Variants in SGCD observed in about 807,000 individuals in gnomAD.
SGCD encodes delta-sarcoglycan.
SGCD carries 18 observed loss-of-function variants against 36.6 expected under a neutral mutation model. That is an observed-to-expected ratio of 0.49 (90% confidence interval 0.34 to 0.73). SGCD has a LOEUF of 0.73. Ranked by LOEUF, SGCD falls within the 30% of genes least tolerant of loss-of-function variation. The probability of loss-of-function intolerance (pLI) is 0.01; values close to 1 mark genes in which losing one functional copy is unlikely to be tolerated. For missense variants in SGCD, 387 were observed against 346.7 expected, an observed-to-expected ratio of 1.12 and a Z score of -0.92; for synonymous variants, 133 against 130.6, an observed-to-expected ratio of 1.02 and a Z score of -0.12.
chr5:155,773,166 G>A, the SGCD span, among the ~76,000 whole-genome samples: 113 of 152,194 alleles, frequency 7.4e-4, no homozygotes, highest in African/African-American at 2.6e-3. Flanking sequence ...CACCTCTCCT[G>A]CCTTTTAGAA....
intron 3 of SGCD, among the ~76,000 whole-genome samples, chr5:156,244,356 GC>G (rs1765388684): frequency 6.6e-6 from 1 of 152,156 alleles, no homozygotes; most frequent in Admixed American, 6.5e-5. Context: ...GGGACAATTG[GC>G]AAAAATAATG....
intron 1 of SGCD, among the ~76,000 whole-genome samples, chr5:155,998,394 A>T (rs1758598670): frequency 6.6e-6 from 1 of 152,196 alleles, no homozygotes; most frequent in African/African-American, 2.4e-5. Flanking sequence ...GGAAAAGGCA[A>T]CTTTTAGTTC....
At chr5:156,134,686 G>A (rs1581120558) in intron 3 of SGCD, among the ~76,000 whole-genome samples, 1 of 149,444 alleles carries the variant, frequency 6.7e-6, no homozygotes, top group African/African-American at 2.5e-5. Context: ...TCACACACTG[G>A]GCCTGTCGTG....
chr5:156,053,339 T>G (rs1477363593), intron 1 of SGCD, among the ~76,000 whole-genome samples: 1 of 145,936 alleles, frequency 6.9e-6, no homozygotes, highest in East Asian at 1.9e-4. Flanking sequence ...CAGCTGTCAC[T>G]GCTCAGTGAC....
intron 6 of SGCD, among the ~76,000 whole-genome samples, chr5:156,642,920 T>A (rs755118729): frequency 6.6e-6 from 1 of 152,180 alleles, no homozygotes; most frequent in Non-Finnish European, 1.5e-5. Flanking sequence ...CAAACCAGGT[T>A]GTGACTTCAA....
intron 3 of SGCD, among the ~76,000 whole-genome samples, chr5:156,199,757 C>A (rs1364258671): frequency 6.6e-6 from 1 of 152,086 alleles, no homozygotes; most frequent in African/African-American, 2.4e-5. Flanking sequence ...CTCAATTTTG[C>A]TGCAGCATTT....
chr5:155,787,478 G>A, the SGCD span, among the ~76,000 whole-genome samples: 2 of 152,086 alleles, frequency 1.3e-5, no homozygotes, highest in South Asian at 2.1e-4. Context: ...GCCCCATGCA[G>A]CATACAATTA....
chr5:156,072,355 G>C (rs1311359478), intron 1 of SGCD, among the ~76,000 whole-genome samples: 1 of 151,980 alleles, frequency 6.6e-6, no homozygotes, highest in Non-Finnish European at 1.5e-5. Context: ...GCATTTGCTT[G>C]TCTGTAAAGT....
chr5:156,298,432 A>G (rs1459128244), intron 3 of SGCD, among the ~76,000 whole-genome samples: 1 of 152,112 alleles, frequency 6.6e-6, no homozygotes, highest in African/African-American at 2.4e-5. Context: ...ACCAGCATTC[A>G]TTATGGCCTT....
Position 156,759,382 on chromosome 5 carries a change from T to C in SGCD, c.865T>C (p.Cys289Arg), listed in dbSNP as rs1249092205. ...CACTTGTCAGATAAACACAAGTGTCTGCCTCTGAAAGACTATCCATAGTGG... is the reference window on the plus strand; with the variant it reads ...CACTTGTCAGATAAACACAAGTGTCCGCCTCTGAAAGACTATCCATAGTGG... ...GSTCQINTSV[C>R]L The change falls in exon 9 of 9, where the codon TGC becomes CGC. Residue 289 changes from cysteine to arginine, a missense_variant. Transcript: ENST00000337851. The C allele has an allele frequency of 9.3e-6, 15 of 1,607,004 alleles. No individual in the cohort carries two copies. The highest frequency in any genetic ancestry group is 1.2e-5 in the Non-Finnish European group (14 of 1,174,676).
intron 7 of SGCD, among the ~76,000 whole-genome samples, chr5:156,679,455 T>A (rs867523036): frequency 3.3e-5 from 5 of 152,286 alleles, no homozygotes; most frequent in South Asian, 4.1e-4. Context: ...GAATTTGAAT[T>A]GCCTGTCTAC....
At chr5:156,582,887 C>A (rs963990061) in intron 4 of SGCD, among the ~76,000 whole-genome samples, 1 of 152,136 alleles carries the variant, frequency 6.6e-6, no homozygotes, top group Non-Finnish European at 1.5e-5. Context: ...TCCTGAGAAG[C>A]TTCTTTGAAT....
At chr5:156,188,772 AT>A (rs1027775738) in intron 3 of SGCD, among the ~76,000 whole-genome samples, 1 of 151,266 alleles carries the variant, frequency 6.6e-6, no homozygotes, top group African/African-American at 2.4e-5. Context: ...AAACAGTTCT[AT>A]TTTCGCCTCC....
chr5:156,486,015 G>A (rs1225498822), intron 3 of SGCD, among the ~76,000 whole-genome samples: 2 of 152,088 alleles, frequency 1.3e-5, no homozygotes, highest in Non-Finnish European at 2.9e-5. Flanking sequence ...CAACAGCAGT[G>A]TTCCAGAGAG....
chr5:156,270,360 G>A (rs12716370), intron 3 of SGCD, among the ~76,000 whole-genome samples: 33,973 of 151,862 alleles, frequency 0.22, 4,111 homozygotes, highest in Admixed American at 0.27. Flanking sequence ...GCTCTTTTTT[G>A]GTTCCATATG....
intron 3 of SGCD, among the ~76,000 whole-genome samples, chr5:156,278,747 G>A (rs1348194154): frequency 6.6e-6 from 1 of 152,142 alleles, no homozygotes; most frequent in Non-Finnish European, 1.5e-5. Flanking sequence ...ATATAACATA[G>A]TTAACTTTTC....
In SGCD at chr5:156,117,354, G is replaced by C. The variant is rs1324036212; in HGVS notation, c.-281-524G>C. ...GCATGGCACCATTGTATTAATTCAA[G>C]TCCCCTTGAGGAGGTTTTACTTAAA... On this transcript the variant is annotated intron_variant, in intron 1 of 9. Transcript: ENST00000517913. Among the ~76,000 whole-genome samples the C allele has an allele frequency of 2.0e-5, 3 of 151,952 alleles. No individual in the cohort carries two copies. The East Asian group carries it at 5.8e-4, about 29-fold the overall frequency.
chr5:156,090,010 T>C (rs192020341), intron 1 of SGCD, among the ~76,000 whole-genome samples: 2 of 152,248 alleles, frequency 1.3e-5, no homozygotes, highest in Admixed American at 1.3e-4. Flanking sequence ...ATCTGACAAA[T>C]CCAAATGAAT....
At chr5:155,769,279 G>A in the SGCD span, among the ~76,000 whole-genome samples, 1 of 151,960 alleles carries the variant, frequency 6.6e-6, no homozygotes, top group African/African-American at 2.4e-5. Flanking sequence ...TTGTGGAGAA[G>A]GTGGTATGTG....
Sources: allele counts gnomAD v4.1 joint callset (sites outside exome capture counted in the v4.1 genomes callset), GRCh38; gene constraint gnomAD v4.1.1; transcripts MANE v1.5; gene names NCBI Gene and HGNC (gene_info 2026-07-23, HGNC 2026-07-21).